Variants in EPS15L1 observed in about 807,000 individuals in gnomAD.
EPS15L1 encodes the protein epidermal growth factor receptor substrate 15-like 1.
EPS15L1 carries 43 observed loss-of-function variants against 117.1 expected under a neutral mutation model. The ratio of observed to expected loss-of-function variants is 0.37; its 90% CI spans 0.29 to 0.47. EPS15L1 has a LOEUF of 0.47. Among genes scored for constraint, EPS15L1 ranks in the 20% least tolerant of loss-of-function variants. The probability of loss-of-function intolerance (pLI) is 0.99; values close to 1 mark genes in which losing one functional copy is unlikely to be tolerated. For synonymous variants in EPS15L1, 459 were observed against 470.5 expected, an observed-to-expected ratio of 0.98 and a Z score of 0.32; for missense variants, 981 against 1,164.0, an observed-to-expected ratio of 0.84 and a Z score of 2.29.
At chr19:16,375,668 G>A (rs2092286303) in intron 22 of EPS15L1, among the ~76,000 whole-genome samples, 1 of 152,208 alleles carries the variant, frequency 6.6e-6, no homozygotes. Flanking sequence ...TGTCTTTGAT[G>A]TGTGGCTTAC....
intron 13 of EPS15L1, 161 bp downstream of exon 13, chr19:16,413,612 T>TA: frequency 1.4e-6 from 1 of 730,352 alleles, no homozygotes; most frequent in Admixed American, 2.8e-5. Context: ...GAATTCAGCC[T>TA]GAAAAAAAAA....
intron 1 of EPS15L1, among the ~76,000 whole-genome samples, chr19:16,456,886 T>G (rs962818222): frequency 6.6e-6 from 1 of 152,010 alleles, no homozygotes; most frequent in Non-Finnish European, 1.5e-5. Flanking sequence ...GAAGGGCATG[T>G]GCATAGGATG....
rs767429709 is a variant in EPS15L1 at position 16,441,937 on chromosome 19, C to A, written c.120G>T (p.Ala40=). 5 of 1,614,080 alleles carry A rather than the reference C, an allele frequency of 3.1e-6. No individual in the cohort carries two copies. In the Admixed American group the frequency reaches 8.3e-5, roughly 27 times the overall value. ...YTGRVGASEA[A]LFLKKSGLSD... is the part of the protein sequence containing the mutation. ...AGAGGCCAGACTTCTTTAGAAAAAG[C>A]GCAGCTTCACTCGCCCCCACCCTCC... is the stretch of plus-strand genomic sequence containing the variant. Residue 40 remains alanine, a synonymous_variant, in exon 3 of 24, where the codon GCG becomes GCT. Transcript: ENST00000455140.
intron 16 of EPS15L1, among the ~76,000 whole-genome samples, chr19:16,397,419 AT>A (rs551091082): frequency 2.0e-4 from 31 of 151,638 alleles, no homozygotes; most frequent in Non-Finnish European, 3.7e-4. Context: ...AAGTTAAACA[AT>A]TTTTTTTTAA....
At chr19:16,386,993 C>A (rs2092426795) in intron 19 of EPS15L1, among the ~76,000 whole-genome samples, 1 of 152,222 alleles carries the variant, frequency 6.6e-6, no homozygotes, top group African/African-American at 2.4e-5. Flanking sequence ...AATGTGACCA[C>A]CTCTCACCGG....
intron 16 of EPS15L1, among the ~76,000 whole-genome samples, chr19:16,399,248 A>C (rs1357485231): frequency 6.6e-6 from 1 of 152,190 alleles, no homozygotes; most frequent in Non-Finnish European, 1.5e-5. Flanking sequence ...TCCATTGCAC[A>C]GAATCAGAGT....
intron 21 of EPS15L1, 66 bp downstream of exon 21, chr19:16,385,063 C>T: frequency 7.9e-7 from 1 of 1,258,824 alleles, no homozygotes; most frequent in Non-Finnish European, 1.2e-6. Flanking sequence ...CGCCTGGCAG[C>T]CCACACCATG....
At chr19:16,437,153 C>T (rs1306891459) in intron 5 of EPS15L1, 154 bp from the exon 6 acceptor site, 6 of 636,416 alleles carry the variant, frequency 9.4e-6, no homozygotes, top group African/African-American at 9.1e-5. Flanking sequence ...CCAGCAATTC[C>T]ACTCCTACGT....
Position 16,402,329 on chromosome 19 carries a change from C to A in EPS15L1, c.1783G>T (p.Gly595Ter), listed in dbSNP as rs1189214339. 1 of 1,608,916 alleles carries A rather than the reference C, an allele frequency of 6.2e-7. No homozygotes were observed. The highest frequency in any genetic ancestry group is 8.5e-7 in the Non-Finnish European group (1 of 1,178,108). The change falls in exon 16 of 24, where the codon GGA becomes TGA. Residue 595 changes from glycine to a stop codon, truncating the protein, a stop_gained. Transcript: ENST00000455140. LOFTEE classifies it high-confidence loss of function. ...GVSLAERGSF[G>*]AMDDPFKNKA... ...GTTTATTCAACCTTTACCATGGCTC[C>A]AAAACTGCCCCTCTCTGCCAGGGAG...
chr19:16,356,032 C>T lies in EPS15L1; in HGVS notation c.2587-181G>A, dbSNP rs558982688. ...GTGGGCGTGCGAGCCTGTCTCAGGC[C>T]CCCCATCTGGAAAGCAGAGTGGACG... On this transcript the variant is annotated intron_variant, in intron 23 of 23. Transcript: ENST00000455140. Among the ~76,000 whole-genome samples, 10 of 152,318 alleles carry T rather than the reference C, an allele frequency of 6.6e-5. No homozygotes were observed. The South Asian group carries it at 2.1e-3, about 32-fold the overall frequency.
rs953078825 is a variant in EPS15L1, at chr19:16,468,017, T to C, written c.33+3896A>G. On this transcript the variant is annotated intron_variant, in intron 1 of 23. Transcript: ENST00000455140. ...CATAACAAGGGGGAAAGGAGGAAGG[T>C]GTAGCTCTTTGGGCCCAGGGCAGTC... 2.0e-5 allele frequency among the ~76,000 whole-genome samples: 3 copies of C among 152,208 alleles called. No individual in the cohort carries two copies. The East Asian group carries it at 5.8e-4, about 29-fold the overall frequency.
chr19:16,401,443 T>A (rs939430179), intron 16 of EPS15L1: 7 of 985,496 alleles, frequency 7.1e-6, no homozygotes, highest in Non-Finnish European at 8.4e-6. Context: ...GCAGAAGGGC[T>A]CCAGGGAGGA....
At chr19:16,454,776 G>C (rs765421062) in intron 1 of EPS15L1, among the ~76,000 whole-genome samples, 19 of 152,114 alleles carry the variant, frequency 1.2e-4, no homozygotes, top group Non-Finnish European at 2.8e-4. Flanking sequence ...GGACCAGGAA[G>C]GTCGTCAGAA....
chr19:16,395,089 G>A (rs1372010152), intron 17 of EPS15L1, among the ~76,000 whole-genome samples: 1 of 151,940 alleles, frequency 6.6e-6, no homozygotes, highest in Non-Finnish European at 1.5e-5. Context: ...GTGCGGTGAT[G>A]GGCGCTGAGG....
intron 22 of EPS15L1, among the ~76,000 whole-genome samples, chr19:16,364,920 G>A (rs971357606): frequency 2.0e-5 from 3 of 152,196 alleles, no homozygotes; most frequent in Non-Finnish European, 4.4e-5. Flanking sequence ...CTCAACACAG[G>A]TGGGCCCCAG....
chr19:16,413,422 C>G, intron 13 of EPS15L1: 1 of 731,690 alleles, frequency 1.4e-6, no homozygotes, highest in Non-Finnish European at 2.4e-6. Flanking sequence ...ACCTTTGATG[C>G]CATCTCTAAG....
At chr19:16,466,446 C>T (rs1483745728) in intron 1 of EPS15L1, among the ~76,000 whole-genome samples, 1 of 152,138 alleles carries the variant, frequency 6.6e-6, no homozygotes, top group Non-Finnish European at 1.5e-5. Context: ...GAATGCACTA[C>T]ACATTGGGCT....
intron 17 of EPS15L1, 113 bp downstream of exon 17, chr19:16,395,230 TC>T: frequency 9.8e-7 from 1 of 1,023,746 alleles, no homozygotes. Context: ...GGCATTCCTT[TC>T]CCCCTCCATT....
chr19:16,422,795 A>G (rs979920019), intron 9 of EPS15L1, among the ~76,000 whole-genome samples: 1 of 152,060 alleles, frequency 6.6e-6, no homozygotes, highest in Non-Finnish European at 1.5e-5. Flanking sequence ...CCTCTCTACT[A>G]AAAACACGAA....
Sources: allele counts gnomAD v4.1 joint callset (sites outside exome capture counted in the v4.1 genomes callset), GRCh38; gene constraint gnomAD v4.1.1; transcripts MANE v1.5; gene names NCBI Gene and HGNC (gene_info 2026-07-23, HGNC 2026-07-21).